TNRC6B: variants seen among roughly 807,000 people sequenced by gnomAD.
TNRC6B encodes the protein trinucleotide repeat containing adaptor 6B, also known as trinucleotide repeat-containing gene 6B protein.
TNRC6B carries 52 observed loss-of-function variants against 203.6 expected under a neutral mutation model. The ratio of observed to expected loss-of-function variants is 0.26; its 90% confidence interval spans 0.20 to 0.32. TNRC6B has a LOEUF of 0.32. Among genes scored for constraint, TNRC6B ranks in the 10% least tolerant of loss-of-function variants. The pLI is 1.00. For missense variants in TNRC6B, 1,923 were observed against 2,286.2 expected, an observed-to-expected ratio of 0.84 and a Z score of 3.24; for synonymous variants, 838 against 845.7, an observed-to-expected ratio of 0.99 and a Z score of 0.16.
intron 11 of TNRC6B, among the ~76,000 whole-genome samples, chr22:40,282,675 G>T (rs1482019877): frequency 1.3e-5 from 2 of 151,980 alleles, no homozygotes; most frequent in East Asian, 1.9e-4. Context: ...TATTTTTTTT[G>T]ATCTGTAGAT....
chr22:40,249,530 T>C (rs2070154833), intron 2 of TNRC6B, among the ~76,000 whole-genome samples: 1 of 152,200 alleles, frequency 6.6e-6, no homozygotes, highest in Non-Finnish European at 1.5e-5. Context: ...TTGTTTAGCG[T>C]TGGCAGAACA....
intron 1 of TNRC6B, among the ~76,000 whole-genome samples, chr22:40,101,878 GT>G (rs1452127054): frequency 6.6e-6 from 1 of 152,086 alleles, no homozygotes; most frequent in African/African-American, 2.4e-5. Flanking sequence ...CGCTTCTCTG[GT>G]TTTGTCTAAG....
At chr22:40,186,787 A>G (rs894905167) in intron 1 of TNRC6B, among the ~76,000 whole-genome samples, 11 of 152,004 alleles carry the variant, frequency 7.2e-5, no homozygotes, top group African/African-American at 2.7e-4. Flanking sequence ...AATTAATTTC[A>G]GTAATATCGA....
At chr22:40,229,043 G>GT (rs2069831193) in intron 1 of TNRC6B, among the ~76,000 whole-genome samples, 1 of 152,110 alleles carries the variant, frequency 6.6e-6, no homozygotes, top group Admixed American at 6.6e-5. Flanking sequence ...AAGCAAAACC[G>GT]TAAGAATGGT....
At chr22:40,213,480 G>T (rs1005855060) in intron 1 of TNRC6B, among the ~76,000 whole-genome samples, 2 of 152,160 alleles carry the variant, frequency 1.3e-5, no homozygotes, top group Admixed American at 1.3e-4. Flanking sequence ...ATGAGACTTG[G>T]CCCATCCAGT....
intron 1 of TNRC6B, among the ~76,000 whole-genome samples, chr22:40,083,234 C>T (rs1383751713): frequency 6.6e-6 from 1 of 152,146 alleles, no homozygotes; most frequent in Non-Finnish European, 1.5e-5. Flanking sequence ...CTGTATCCCT[C>T]ACCAATCCCA....
At chr22:40,285,503 A>G (rs889761972) in intron 11 of TNRC6B, 142 bp from the exon 12 acceptor site, 26 of 937,810 alleles carry the variant, frequency 2.8e-5, no homozygotes, top group Non-Finnish European at 3.8e-5. Flanking sequence ...TTCTAAGATA[A>G]GGAACTTCTC....
At chr22:40,316,857 T>G (rs1360406708) in intron 21 of TNRC6B, among the ~76,000 whole-genome samples, 1 of 152,154 alleles carries the variant, frequency 6.6e-6, no homozygotes. Context: ...ATAAGCTAGT[T>G]CATAAAACTA....
intron 3 of TNRC6B, among the ~76,000 whole-genome samples, chr22:40,254,810 C>G (rs779498691): frequency 6.6e-6 from 1 of 152,158 alleles, no homozygotes; most frequent in African/African-American, 2.4e-5. Flanking sequence ...TCGCTTGAAC[C>G]TGGGAGGCAG....
chr22:40,151,334 C>T (rs894272940), intron 3 of TNRC6B, among the ~76,000 whole-genome samples: 3 of 151,844 alleles, frequency 2.0e-5, no homozygotes, highest in Admixed American at 6.6e-5. Context: ...GAGGCTGAGG[C>T]GGGCAGATCA....
chr22:40,144,753 A>C (rs2068676003), intron 3 of TNRC6B, among the ~76,000 whole-genome samples: 1 of 152,046 alleles, frequency 6.6e-6, no homozygotes, highest in Non-Finnish European at 1.5e-5. Context: ...TACCGAGTGA[A>C]AAAATGTAGA....
chr22:40,069,489 T>C (rs931353019), intron 1 of TNRC6B, among the ~76,000 whole-genome samples: 1 of 150,996 alleles, frequency 6.6e-6, no homozygotes, highest in African/African-American at 2.5e-5. Context: ...TTTTTTTTTT[T>C]AATTTTTTTT....
intron 16 of TNRC6B, 35 bp from the exon 17 acceptor site, chr22:40,310,782 T>C: frequency 6.3e-7 from 1 of 1,584,364 alleles, no homozygotes; most frequent in Non-Finnish European, 8.6e-7. Context: ...TCATAGGAGT[T>C]ATTCTGGATG....
chr22:40,257,992 C>A lies in TNRC6B; in HGVS notation c.116-3840C>A, dbSNP rs533312358. ...TCCTGCTACTCCACTCTAGCCTGGG[C>A]AACAGAGCAAGACTCAGTCTCAAAA... On this transcript the variant is annotated intron_variant, in intron 3 of 22. Coordinates refer to ENST00000454349, the MANE Select transcript of TNRC6B (RefSeq NM_001162501.2). 9.7e-5 allele frequency among the ~76,000 whole-genome samples: 14 copies of A among 144,630 alleles called. No homozygotes were observed. In the South Asian group the frequency reaches 3.0e-3, roughly 31 times the overall value. The allele number at this position is 144,630 out of a possible 152,430, so 94.9% of individuals were successfully genotyped here.
At position 40,194,187 on chromosome 22, in the gene TNRC6B, G is replaced by C. The variant is rs1315273869; in HGVS notation, c.5+16047G>C. On this transcript the variant is annotated intron_variant, in intron 1 of 22. Transcript: ENST00000454349. ...AGAAAAGGAAAAGAAGAAGGAGTCT[G>C]GGTTGGAGGAGGTGGGAATTTACAT... 3.3e-5 allele frequency among the ~76,000 whole-genome samples: 5 copies of C among 152,308 alleles called. No individual in the cohort carries two copies. In the East Asian group the frequency reaches 9.7e-4, roughly 29 times the overall value.
chr22:40,204,351 G>A (rs2069451458), intron 1 of TNRC6B, among the ~76,000 whole-genome samples: 1 of 152,176 alleles, frequency 6.6e-6, no homozygotes, highest in African/African-American at 2.4e-5. Context: ...CAGGCATGTA[G>A]GTTCAATTTT....
chr22:40,086,187 C>T (rs2068098939), intron 1 of TNRC6B, among the ~76,000 whole-genome samples: 1 of 152,056 alleles, frequency 6.6e-6, no homozygotes. Flanking sequence ...AGTCTCTTAT[C>T]CACTCTGTGG....
At chr22:40,309,794 C>T (rs2071148457) in intron 16 of TNRC6B, among the ~76,000 whole-genome samples, 1 of 152,172 alleles carries the variant, frequency 6.6e-6, no homozygotes, top group Admixed American at 6.5e-5. Context: ...AGTAATTGAG[C>T]TTGTCATTTT....
chr22:40,318,676 A>C (rs1002478793), intron 21 of TNRC6B, among the ~76,000 whole-genome samples: 1 of 152,102 alleles, frequency 6.6e-6, no homozygotes, highest in Non-Finnish European at 1.5e-5. Flanking sequence ...GTTGTCACAC[A>C]ATGTGATTAT....
Sources: gnomAD v4.1 joint callset for allele counts (sites outside exome capture counted in the v4.1 genomes callset) on GRCh38, gnomAD v4.1.1 for gene constraint, MANE v1.5 for transcripts, NCBI Gene and HGNC (gene_info 2026-07-23, HGNC 2026-07-21) for gene names.